The following GLI2 variants were observed in gnomAD, a reference collection of about 807,000 sequenced individuals.
The protein encoded by GLI2 is GLI family zinc finger 2.
GLI2 carries 22 observed loss-of-function variants against 78.9 expected under a neutral mutation model. The observed-to-expected ratio is 0.28, with a 90% confidence interval of 0.20 to 0.40. The LOEUF is 0.40. Among genes scored for constraint, GLI2 ranks in the 10% least tolerant of loss-of-function variants. The pLI, the probability that GLI2 is intolerant of heterozygous loss-of-function variation, is 1.00. For missense variants in GLI2, 2,097 were observed against 2,213.2 expected (o/e 0.95, Z 1.05); for synonymous variants, 974 against 963.7 (o/e 1.01, Z -0.20).
chr2:120,909,270 G>A (rs1558874557), intron 2 of GLI2, among the ~76,000 whole-genome samples: 1 of 151,884 alleles, frequency 6.6e-6, no homozygotes. Flanking sequence ...TGCCTGGCTG[G>A]GCCCTGCAGC....
intron 1 of GLI2, among the ~76,000 whole-genome samples, chr2:120,774,819 A>T (rs1296813256): frequency 6.6e-6 from 1 of 152,212 alleles, no homozygotes; most frequent in African/African-American, 2.4e-5. Flanking sequence ...TGGTATGGGA[A>T]CTGGCAGTCC....
chr2:120,936,161 T>G (rs534825113), intron 3 of GLI2, among the ~76,000 whole-genome samples: 56 of 152,170 alleles, frequency 3.7e-4, no homozygotes, highest in Non-Finnish European at 4.4e-4. Context: ...CTATGCTGCT[T>G]ATACTCTTCA....
intron 2 of GLI2, among the ~76,000 whole-genome samples, chr2:120,831,626 G>C (rs560625614): frequency 1.3e-5 from 2 of 152,334 alleles, no homozygotes; most frequent in South Asian, 4.1e-4. Context: ...TGGGGCCTGT[G>C]AAGGGAGCTT....
chr2:120,933,288 C>T (rs185462320), intron 3 of GLI2, among the ~76,000 whole-genome samples: 3 of 152,226 alleles, frequency 2.0e-5, no homozygotes, highest in Admixed American at 6.5e-5. Flanking sequence ...GCACAGCAGG[C>T]TTGCATGGCT....
chr2:120,943,122 A>C (rs894281515), intron 3 of GLI2, among the ~76,000 whole-genome samples: 2 of 152,190 alleles, frequency 1.3e-5, no homozygotes, highest in Non-Finnish European at 2.9e-5. Flanking sequence ...AGCTGAGGAT[A>C]TCTGGTCATC....
chr2:120,949,861 C>T (rs1470614031), intron 3 of GLI2, among the ~76,000 whole-genome samples: 1 of 152,170 alleles, frequency 6.6e-6, no homozygotes, highest in Non-Finnish European at 1.5e-5. Context: ...GTACTGTAAG[C>T]CCAGTTTTCA....
intron 9 of GLI2, 97 bp downstream of exon 9, chr2:120,975,206 G>A (rs993313548): frequency 2.5e-6 from 3 of 1,203,802 alleles, no homozygotes; most frequent in Admixed American, 2.0e-5. Flanking sequence ...AGAAGGGGCT[G>A]GAGGAAGAGA....
chr2:120,906,746 C>T (rs189665637), intron 2 of GLI2, among the ~76,000 whole-genome samples: 3 of 152,286 alleles, frequency 2.0e-5, no homozygotes, highest in Non-Finnish European at 4.4e-5. Flanking sequence ...CCCCTGTGTC[C>T]CCTCTCATAG....
rs762818312 is a variant in GLI2, at chr2:120,989,089, G to T, written c.3124G>T (p.Asp1042Tyr). ...GGCCGACCTGGGGCTGCCGGAGGAC[G>T]ACCTGGTGCTTCCAGACGACGTGGT... ...PEADLGLPED[D>Y]LVLPDDVVQY... The change falls in exon 14 of 14, where the codon GAC becomes TAC. Residue 1042 changes from aspartate (D) to tyrosine (Y), a missense_variant. This residue lies in a region of GLI2 where 1,290 missense variants were observed against 1,261.7 expected (regional missense o/e 1.02). Coordinates refer to ENST00000361492, the MANE Select transcript of GLI2 (RefSeq NM_001374353.1). 5.6e-6 allele frequency: 9 copies of T among 1,612,276 alleles called. No individual in the cohort carries two copies. In the South Asian group the frequency reaches 9.9e-5, roughly 18 times the overall value.
rs141631306 is a variant in GLI2, at chr2:120,774,337, A to C, written c.-30-22954A>C. On this transcript the variant is annotated intron_variant, in intron 1 of 13. Coordinates refer to ENST00000361492, the MANE Select transcript of GLI2 (RefSeq NM_001374353.1). ...GCGTACCATAAAATTCACCCTCTTAAAGTGTACAATTCACTGCTTTTTAGA... is the reference window on the plus strand; with the variant it reads ...GCGTACCATAAAATTCACCCTCTTACAGTGTACAATTCACTGCTTTTTAGA... 1.3e-3 allele frequency among the ~76,000 whole-genome samples: 193 copies of C among 152,290 alleles called. 7 individuals are homozygous for C. In the East Asian group the frequency reaches 0.024, roughly 19 times the overall value.
intron 2 of GLI2, among the ~76,000 whole-genome samples, chr2:120,798,391 G>T (rs1442961408): frequency 6.6e-6 from 1 of 152,226 alleles, no homozygotes; most frequent in Non-Finnish European, 1.5e-5. Flanking sequence ...CCAAGATGAT[G>T]CTGGGGCTGC....
At chr2:120,765,244 C>A (rs1683332292) in intron 1 of GLI2, among the ~76,000 whole-genome samples, 1 of 152,234 alleles carries the variant, frequency 6.6e-6, no homozygotes, top group Non-Finnish European at 1.5e-5. Context: ...CACCCTGAGC[C>A]CAGTCCAGTC....
intron 2 of GLI2, among the ~76,000 whole-genome samples, chr2:120,910,566 G>C (rs1486167505): frequency 6.6e-6 from 1 of 152,232 alleles, no homozygotes; most frequent in African/African-American, 2.4e-5. Context: ...TGGGGACCCG[G>C]GGTGGGCCCT....
intron 2 of GLI2, among the ~76,000 whole-genome samples, chr2:120,889,216 C>T (rs1375151185): frequency 6.6e-6 from 1 of 152,248 alleles, no homozygotes; most frequent in Non-Finnish European, 1.5e-5. Flanking sequence ...TGTTAGCCTG[C>T]TGAGATGCTC....
chr2:120,758,630 G>A (rs564763671), intron 1 of GLI2, among the ~76,000 whole-genome samples: 1 of 152,374 alleles, frequency 6.6e-6, no homozygotes, highest in East Asian at 1.9e-4. Flanking sequence ...CAGCTACACA[G>A]TGGAAAATGG....
At chr2:120,874,088 C>T (rs1412298237) in intron 2 of GLI2, among the ~76,000 whole-genome samples, 1 of 152,110 alleles carries the variant, frequency 6.6e-6, no homozygotes, top group Admixed American at 6.5e-5. Flanking sequence ...CTCCTCACCC[C>T]AGAGGCTCCC....
intron 1 of GLI2, among the ~76,000 whole-genome samples, chr2:120,787,103 G>T (rs994571408): frequency 6.6e-6 from 1 of 152,230 alleles, no homozygotes; most frequent in Non-Finnish European, 1.5e-5. Context: ...ACACAGGCAA[G>T]ACAGACCCCT....
intron 4 of GLI2, 64 bp from the exon 5 acceptor site, chr2:120,955,181 T>TTTG: frequency 1.9e-6 from 1 of 531,606 alleles, no homozygotes; most frequent in South Asian, 1.7e-5. Flanking sequence ...TTTTTTTTTT[T>TTTG]GGCAGGAGAA....
chr2:120,830,276 G>C (rs923227557), intron 2 of GLI2, among the ~76,000 whole-genome samples: 23 of 152,216 alleles, frequency 1.5e-4, no homozygotes, highest in Non-Finnish European at 4.4e-5. Context: ...GTTTGTTTAA[G>C]TGGCCTTGGC....
Sources: gnomAD v4.1 joint callset for allele counts (sites outside exome capture counted in the v4.1 genomes callset) on GRCh38, gnomAD v4.1.1 for gene constraint, gnomAD v4.1.1 regional missense constraint, MANE v1.5 for transcripts, NCBI Gene and HGNC (gene_info 2026-07-23, HGNC 2026-07-21) for gene names.